Variants in CPQ observed in about 807,000 individuals in gnomAD.
The protein encoded by CPQ is carboxypeptidase Q, also known as Ser-Met dipeptidase.
In CPQ, 37 loss-of-function variants were observed where a neutral mutation model predicts 45.7. The ratio of observed to expected loss-of-function variants is 0.81; its 90% confidence interval spans 0.62 to 1.07. CPQ has a LOEUF of 1.07. Ranked by LOEUF, CPQ falls within the 50% of genes least tolerant of loss-of-function variation. The pLI, the probability that CPQ is intolerant of heterozygous loss-of-function variation, is 0.00. For synonymous variants in CPQ, 186 were observed against 205.8 expected, an observed-to-expected ratio of 0.90 and a Z score of 0.82; for missense variants, 537 against 572.9, an observed-to-expected ratio of 0.94 and a Z score of 0.64.
intron 3 of CPQ, among the ~76,000 whole-genome samples, chr8:96,868,147 C>T (rs1188724171): frequency 1.3e-5 from 2 of 152,004 alleles, no homozygotes; most frequent in Non-Finnish European, 2.9e-5. Context: ...GCGTGGATCC[C>T]AGAGTGAGGT....
At position 97,122,077 on chromosome 8, in the gene CPQ, T is replaced by C. The variant is rs956338853; in HGVS notation, c.1256-20943T>C. On this transcript the variant is annotated intron_variant, in intron 7 of 7. Transcript: ENST00000220763. ...GGACAACATCAAGCAGACTAACATA[T>C]ATGTAAATGGAGTCCCAGAAAATGT... Among the ~76,000 whole-genome samples the C allele has an allele frequency of 2.6e-5, 4 of 152,104 alleles. No homozygotes were observed. In the East Asian group the frequency reaches 7.7e-4, roughly 29 times the overall value.
Position 96,679,828 on chromosome 8 carries a change from G to A in CPQ, c.-35+34426G>A, listed in dbSNP as rs1033375560. Among the ~76,000 whole-genome samples, 11 of 150,498 alleles carry A rather than the reference G, an allele frequency of 7.3e-5. No homozygotes were observed. In the East Asian group the frequency reaches 9.8e-4, roughly 13 times the overall value. ...TTCTTTCTTTTTCTTGGTTACTATAGCTAGCAGTTTGTCAATTTTACTTAT... is the reference window on the plus strand; with the variant it reads ...TTCTTTCTTTTTCTTGGTTACTATAACTAGCAGTTTGTCAATTTTACTTAT... On this transcript the variant is annotated intron_variant, in intron 1 of 7. Coordinates refer to ENST00000220763, the MANE Select transcript of CPQ (RefSeq NM_016134.4).
At position 96,832,774 on chromosome 8, in the gene CPQ, T is replaced by C. The variant is rs1189744789; in HGVS notation, c.434-2199T>C. On this transcript the variant is annotated intron_variant, in intron 2 of 7. Transcript: ENST00000220763. ...AGGTGTCTATACAGGGAAAAGTGTC[T>C]GTATAGGTAGGCAGACTTTGGATGT... Among the ~76,000 whole-genome samples the C allele has an allele frequency of 3.3e-5, 5 of 152,242 alleles. No individual in the cohort carries two copies. In the East Asian group the frequency reaches 9.7e-4, roughly 29 times the overall value.
chr8:96,663,288 G>A (rs1808868840), intron 1 of CPQ, among the ~76,000 whole-genome samples: 2 of 151,184 alleles, frequency 1.3e-5, no homozygotes. Flanking sequence ...AAACTACACT[G>A]TAAACAACTC....
chr8:96,652,702 T>G (rs756376672), intron 1 of CPQ, among the ~76,000 whole-genome samples: 14 of 152,176 alleles, frequency 9.2e-5, no homozygotes, highest in African/African-American at 2.7e-4. Context: ...GCGCCATCTC[T>G]GCTCACTGCA....
intron 1 of CPQ, among the ~76,000 whole-genome samples, chr8:96,777,786 T>G (rs1810635511): frequency 8.5e-6 from 1 of 117,302 alleles, no homozygotes; most frequent in South Asian, 2.9e-4. Flanking sequence ...TTTTTTTTTT[T>G]TTTTTTTTCT....
chr8:96,734,539 A>G (rs11783172), intron 1 of CPQ, among the ~76,000 whole-genome samples: 94,658 of 151,446 alleles, frequency 0.63, 30,079 homozygotes, highest in East Asian at 0.86. Context: ...GTGAAACTCC[A>G]TCTCTACTAA....
chr8:96,657,076 G>A (rs1815646617), intron 1 of CPQ, among the ~76,000 whole-genome samples: 1 of 151,722 alleles, frequency 6.6e-6, no homozygotes, highest in Non-Finnish European at 1.5e-5. Flanking sequence ...GCTGGGCACA[G>A]TGGCTCACGC....
At chr8:97,046,791 C>A (rs1218008308) in intron 6 of CPQ, among the ~76,000 whole-genome samples, 2 of 152,084 alleles carry the variant, frequency 1.3e-5, no homozygotes, top group Non-Finnish European at 2.9e-5. Flanking sequence ...TTTTCCCCTC[C>A]AAAGCTCTGG....
intron 1 of CPQ, among the ~76,000 whole-genome samples, chr8:96,736,988 C>A (rs35312477): frequency 1.3e-4 from 19 of 151,838 alleles, no homozygotes; most frequent in Non-Finnish European, 2.8e-4. Context: ...TATTTGTGCC[C>A]TCTTTCTGTA....
At chr8:96,903,753 T>A (rs1812542230) in intron 4 of CPQ, among the ~76,000 whole-genome samples, 1 of 152,174 alleles carries the variant, frequency 6.6e-6, no homozygotes, top group African/African-American at 2.4e-5. Flanking sequence ...AAGCCCATAC[T>A]AAAAATGGAT....
chr8:97,053,689 T>C (rs1810402545), intron 6 of CPQ, among the ~76,000 whole-genome samples: 1 of 152,170 alleles, frequency 6.6e-6, no homozygotes, highest in Non-Finnish European at 1.5e-5. Flanking sequence ...GTTGGAACTA[T>C]GGGAGGCTTT....
At chr8:96,916,993 C>G (rs1812742403) in intron 4 of CPQ, among the ~76,000 whole-genome samples, 1 of 152,078 alleles carries the variant, frequency 6.6e-6, no homozygotes. Context: ...ACTTTGATCA[C>G]CTGGCTGAGG....
intron 3 of CPQ, among the ~76,000 whole-genome samples, chr8:96,871,531 GTTTT>G (rs529360931): frequency 8.3e-4 from 89 of 106,980 alleles, no homozygotes; most frequent in Middle Eastern, 0.01. Flanking sequence ...TTGCTTCCAG[GTTTT>G]TTTTTTTTTT....
At chr8:97,104,107 T>C (rs1677427904) in intron 7 of CPQ, among the ~76,000 whole-genome samples, 1 of 152,198 alleles carries the variant, frequency 6.6e-6, no homozygotes, top group South Asian at 2.1e-4. Flanking sequence ...CCTACTAGTA[T>C]GCATGGCACA....
At chr8:96,903,491 G>A (rs1285141245) in intron 4 of CPQ, among the ~76,000 whole-genome samples, 1 of 152,156 alleles carries the variant, frequency 6.6e-6, no homozygotes, top group Non-Finnish European at 1.5e-5. Flanking sequence ...TCCCTGATCA[G>A]GCTGATTTTA....
intron 7 of CPQ, among the ~76,000 whole-genome samples, chr8:97,133,739 T>G (rs1812000362): frequency 6.6e-6 from 1 of 152,220 alleles, no homozygotes; most frequent in Non-Finnish European, 1.5e-5. Flanking sequence ...TTTTCATCTC[T>G]TTTAGACATC....
At chr8:96,825,542 G>A (rs976105440) in intron 2 of CPQ, among the ~76,000 whole-genome samples, 1 of 151,976 alleles carries the variant, frequency 6.6e-6, no homozygotes, top group African/African-American at 2.4e-5. Context: ...GCTTTTAATT[G>A]TAACAGAATT....
At chr8:96,859,017 C>G (rs1811893017) in intron 3 of CPQ, among the ~76,000 whole-genome samples, 1 of 152,168 alleles carries the variant, frequency 6.6e-6, no homozygotes, top group African/African-American at 2.4e-5. Flanking sequence ...TCATGTATTT[C>G]TAACTCTTTG....
Sources: allele counts gnomAD v4.1 joint callset (sites outside exome capture counted in the v4.1 genomes callset), GRCh38; gene constraint gnomAD v4.1.1; transcripts MANE v1.5; gene names NCBI Gene and HGNC (gene_info 2026-07-23, HGNC 2026-07-21).